The following CDH13 variants were observed in gnomAD, a reference collection of about 807,000 sequenced individuals.
CDH13 encodes cadherin-13.
CDH13 carries 24 observed loss-of-function variants against 63.8 expected under a neutral mutation model. The ratio of observed to expected loss-of-function variants is 0.38; its 90% CI spans 0.27 to 0.53. CDH13 has a LOEUF of 0.53. Ranked by LOEUF, CDH13 falls within the 20% of genes least tolerant of loss-of-function variation. The pLI is 0.85. For missense variants in CDH13, 1,049 were observed against 903.1 expected (o/e 1.16, Z -2.07); for synonymous variants, 503 against 355.3 (o/e 1.42, Z -4.67).
At chr16:83,342,712 T>C (rs1393234254) in intron 5 of CDH13, among the ~76,000 whole-genome samples, 1 of 152,180 alleles carries the variant, frequency 6.6e-6, no homozygotes, top group Non-Finnish European at 1.5e-5. Flanking sequence ...TTTGAATATT[T>C]GGCAAATGTG....
intron 2 of CDH13, among the ~76,000 whole-genome samples, chr16:82,901,375 T>C (rs995401566): frequency 2.1e-5 from 3 of 144,164 alleles, no homozygotes; most frequent in East Asian, 2.1e-4. Flanking sequence ...TGTCTGATGA[T>C]TGGGGTTCTT....
At chr16:82,627,983 C>G (rs537551621) in intron 1 of CDH13, among the ~76,000 whole-genome samples, 1 of 152,370 alleles carries the variant, frequency 6.6e-6, no homozygotes, top group East Asian at 1.9e-4. Flanking sequence ...AGCGCCACGG[C>G]GCGAGGGAAG....
intron 6 of CDH13, among the ~76,000 whole-genome samples, chr16:83,373,554 G>C (rs2091410016): frequency 6.6e-6 from 1 of 152,182 alleles, no homozygotes; most frequent in Admixed American, 6.5e-5. Context: ...GGGGATGGCA[G>C]GGAGTAGAAA....
chr16:82,848,639 A>T (rs1364151903), intron 1 of CDH13, among the ~76,000 whole-genome samples: 1 of 151,842 alleles, frequency 6.6e-6, no homozygotes, highest in African/African-American at 2.4e-5. Flanking sequence ...TTAATTGATA[A>T]GTGCGTGTTC....
chr16:83,598,278 T>C lies in CDH13; in HGVS notation c.961-4176T>C, dbSNP rs143784765. ...TACTCAGGAGGCTGGAGTGAGAGGATTGTTTGAGCCAGGAAAATAGAGGCT... is the reference window on the plus strand; with the variant it reads ...TACTCAGGAGGCTGGAGTGAGAGGACTGTTTGAGCCAGGAAAATAGAGGCT... On this transcript the variant is annotated intron_variant, in intron 7 of 13. Coordinates refer to ENST00000567109, the MANE Select transcript of CDH13 (RefSeq NM_001257.5). Among the ~76,000 whole-genome samples the C allele has an allele frequency of 4.3e-4, 65 of 152,180 alleles. No individual in the cohort carries two copies. The East Asian group carries it at 0.012, about 29-fold the overall frequency.
rs185224209 is a variant in CDH13, at chr16:83,190,603, G to A, written c.484-26742G>A. Among the ~76,000 whole-genome samples, 121 of 152,208 alleles carry A rather than the reference G, an allele frequency of 7.9e-4. 1 individual carries two copies. Among genetic ancestry groups the A allele is most frequent in the African/African-American group, 2.9e-3 (120 of 41,530 alleles). On this transcript the variant is annotated intron_variant, in intron 4 of 13. Transcript: ENST00000567109. ...TCACAAATGCTGTTCATTAGGATGG[G>A]TCTTCCTAAATTATAGAGACTGATC...
chr16:83,390,728 A>G (rs2091770080), intron 6 of CDH13, among the ~76,000 whole-genome samples: 1 of 152,242 alleles, frequency 6.6e-6, no homozygotes, highest in African/African-American at 2.4e-5. Context: ...CACGGTGCTC[A>G]GTTCAACCTT....
At chr16:82,866,722 C>T (rs1293668668) in intron 2 of CDH13, among the ~76,000 whole-genome samples, 2 of 152,070 alleles carry the variant, frequency 1.3e-5, no homozygotes, top group East Asian at 1.9e-4. Flanking sequence ...CCTTAGAAAA[C>T]TTACAATCAT....
intron 10 of CDH13, among the ~76,000 whole-genome samples, chr16:83,700,991 C>T (rs1395627506): frequency 1.3e-5 from 2 of 152,180 alleles, no homozygotes; most frequent in African/African-American, 4.8e-5. Context: ...AAACAACATT[C>T]TTCCCCACCA....
chr16:83,064,619 C>A (rs947245973), intron 3 of CDH13, among the ~76,000 whole-genome samples: 8 of 152,114 alleles, frequency 5.3e-5, no homozygotes, highest in African/African-American at 1.9e-4. Context: ...TTTTTCCATA[C>A]TAAGTTTTAG....
intron 4 of CDH13, among the ~76,000 whole-genome samples, chr16:83,127,889 G>A (rs2035881345): frequency 6.6e-6 from 1 of 152,120 alleles, no homozygotes; most frequent in African/African-American, 2.4e-5. Flanking sequence ...TGATACAAAG[G>A]GAAGCAGAGC....
chr16:83,094,291 C>G (rs1412239568), intron 3 of CDH13, among the ~76,000 whole-genome samples: 2 of 152,128 alleles, frequency 1.3e-5, no homozygotes, highest in Non-Finnish European at 2.9e-5. Flanking sequence ...ACTGGGAAAG[C>G]CTCTCCCATG....
rs939272623 is a variant in CDH13, at chr16:83,180,862, T to A, written c.484-36483T>A. 4.6e-6 allele frequency: 7 copies of A among 1,513,612 alleles called. No individual in the cohort carries two copies. The Admixed American group carries it at 9.9e-5, about 21-fold the overall frequency. 93.8% of individuals were successfully genotyped at this position (1,513,612 alleles called of 1,614,324 possible). On this transcript the variant is annotated intron_variant, in intron 4 of 13. Coordinates refer to ENST00000567109, the MANE Select transcript of CDH13 (RefSeq NM_001257.5). ...TTTACAACAAAATGTGTTTTTTTTTTCTTACAGAGAACCCACAATCCTATT... is the reference window on the plus strand; with the variant it reads ...TTTACAACAAAATGTGTTTTTTTTTACTTACAGAGAACCCACAATCCTATT...
intron 7 of CDH13, among the ~76,000 whole-genome samples, chr16:83,523,149 A>C (rs2074879897): frequency 1.3e-5 from 2 of 152,152 alleles, no homozygotes; most frequent in Non-Finnish European, 2.9e-5. Flanking sequence ...TTGTATCTAA[A>C]TTAGTAATAA....
At chr16:83,045,368 A>G (rs1212289228) in intron 3 of CDH13, among the ~76,000 whole-genome samples, 1 of 152,034 alleles carries the variant, frequency 6.6e-6, no homozygotes, top group Non-Finnish European at 1.5e-5. Context: ...GCTGGGGGCG[A>G]TGGCTCAAAC....
intron 1 of CDH13, among the ~76,000 whole-genome samples, chr16:82,812,267 G>T (rs1005567012): frequency 1.3e-5 from 2 of 152,162 alleles, no homozygotes; most frequent in African/African-American, 4.8e-5. Context: ...AGGTCCAGAG[G>T]AGGGGCTGGG....
chr16:83,464,265 C>A (rs12924043), intron 6 of CDH13, among the ~76,000 whole-genome samples: 69,227 of 151,808 alleles, frequency 0.46, 16,444 homozygotes, highest in East Asian at 0.83. Flanking sequence ...GTAATCCCAG[C>A]ACTTTGGGAG....
At chr16:83,728,012 G>A (rs190593086) in intron 10 of CDH13, among the ~76,000 whole-genome samples, 2 of 152,166 alleles carry the variant, frequency 1.3e-5, no homozygotes, top group African/African-American at 4.8e-5. Context: ...CTTTTGTGAG[G>A]CAAAAGCTTT....
intron 4 of CDH13, among the ~76,000 whole-genome samples, chr16:83,193,270 C>A (rs913218833): frequency 3.3e-5 from 5 of 151,924 alleles, no homozygotes; most frequent in Non-Finnish European, 5.9e-5. Context: ...GGAAGCAAGC[C>A]TCCAGGTGGA....
Sources: allele counts gnomAD v4.1 joint callset (sites outside exome capture counted in the v4.1 genomes callset), GRCh38; gene constraint gnomAD v4.1.1; transcripts MANE v1.5; gene names NCBI Gene and HGNC (gene_info 2026-07-23, HGNC 2026-07-21).